Variants in MAPK12 observed in about 807,000 individuals in gnomAD.
MAPK12 encodes the protein MAP kinase 12.
In MAPK12, 49 loss-of-function variants were observed where a neutral mutation model predicts 49.1. That is an observed-to-expected ratio of 1.00 (90% CI 0.79 to 1.27). The LOEUF is 1.27. Among genes scored for constraint, MAPK12 ranks in the 50% most tolerant of loss-of-function variants. The pLI, the probability that MAPK12 is intolerant of heterozygous loss-of-function variation, is 0.00. For missense variants in MAPK12, 554 were observed against 502.4 expected, an observed-to-expected ratio of 1.10 and a Z score of -0.98; for synonymous variants, 251 against 209.7, an observed-to-expected ratio of 1.20 and a Z score of -1.70.
rs2066770 is a variant in MAPK12 at position 50,255,460 on chromosome 22, G to T, written c.843C>A (p.Ser281Arg). The T allele has an allele frequency of 1.9e-6, 3 of 1,613,122 alleles. No homozygotes were observed. The highest frequency in any genetic ancestry group is 8.5e-7 in the Non-Finnish European group (1 of 1,180,014). The change falls in exon 10 of 12, where the codon AGC (serine) becomes AGA (arginine). Residue 281 changes from serine to arginine, a missense_variant. Transcript: ENST00000215659. ...KDFASILTNA[S>R]PLAVNLLEKM... Reference sequence around the variant, plus strand: ...CACACTAGCCAGCCGTACCCAGAGGGCTTGCATTGGTCAGGATAGAGGCAA... The same window carrying T: ...CACACTAGCCAGCCGTACCCAGAGGTCTTGCATTGGTCAGGATAGAGGCAA...
intron 2 of MAPK12, 139 bp downstream of exon 2, chr22:50,261,028 C>T (rs2065206580): frequency 6.0e-6 from 6 of 1,005,414 alleles, no homozygotes; most frequent in East Asian, 3.4e-5. Context: ...TCTCCTTCTC[C>T]CCTGGGGACC....
chr22:50,256,056 G>A (rs1056952915), intron 7 of MAPK12, 29 bp downstream of exon 7: 7 of 1,591,826 alleles, frequency 4.4e-6, no homozygotes, highest in African/African-American at 1.3e-5. Context: ...TGCAGCCTGA[G>A]AGGCCCAGAT....
rs956151652 is a variant in MAPK12, at chr22:50,261,647, G to C, written c.-138C>G. ...GCCCGCCCGCCCGCCGGCCGCTGGG[G>C]CGCTCCCGCTCCCGGCCCTTCCCTC... is the stretch of plus-strand genomic sequence containing the variant. On this transcript the variant is annotated 5_prime_UTR_variant, in exon 1 of 12. Transcript: ENST00000215659. The C allele has an allele frequency of 2.4e-5, 22 of 932,994 alleles. No homozygotes were observed. In the African/African-American group the frequency reaches 3.4e-4, roughly 14 times the overall value. 57.8% of individuals were successfully genotyped at this position (932,994 alleles called of 1,614,324 possible). A position where few individuals can be genotyped will look rare whatever the true frequency, so the allele number is the denominator to read the frequency against.
Position 50,253,082 on chromosome 22 carries a change from C to G in MAPK12, c.*319G>C. On this transcript the variant is annotated 3_prime_UTR_variant, in exon 12 of 12. Coordinates refer to ENST00000215659, the MANE Select transcript of MAPK12 (RefSeq NM_002969.6). The stretch of plus-strand genomic sequence containing the variant: ...TGCATGGCCCAGAGCAGGCAGGGCT[C>G]AGAGGCCAAGGCCTGATCTGGAGCC... The G allele has an allele frequency of 2.4e-6, 1 of 421,752 alleles. No individual in the cohort carries two copies. The allele number at this position is 421,752 out of a possible 1,614,324, so 26.1% of individuals were successfully genotyped here.
Position 50,255,099 on chromosome 22 carries a change from G to T in MAPK12, c.1024+98C>A, listed in dbSNP as rs559855649. 15 of 1,486,988 alleles carry T rather than the reference G, an allele frequency of 1.0e-5. No homozygotes were observed. In the South Asian group the frequency reaches 1.2e-4, roughly 12 times the overall value. The allele number at this position is 1,486,988 out of a possible 1,614,324, so 92.1% of individuals were successfully genotyped here. On this transcript the variant is annotated intron_variant, in intron 11 of 11. Coordinates refer to ENST00000215659, the MANE Select transcript of MAPK12 (RefSeq NM_002969.6). ...AGCCCCCAACTCACGGGTCCACACA[G>T]GCCCTACCCGGAGCCCCCAACTCAC...
chr22:50,255,809 C>A lies in MAPK12; in HGVS notation c.691+1G>T. 3.1e-6 allele frequency: 5 copies of A among 1,612,522 alleles called. No individual in the cohort carries two copies. The highest frequency in any genetic ancestry group is 4.2e-6 in the Non-Finnish European group (5 of 1,179,976). The stretch of plus-strand genomic sequence containing the variant: ...GGTGCCGCCCTGCGGCTGGAGGATA[C>A]GGTCGCTGCCCTTGAACAGCGTCTT... On this transcript the variant is annotated splice_donor_variant, in intron 8 of 11. Transcript: ENST00000215659. LOFTEE classifies it high-confidence loss of function.
chr22:50,258,865 G>T (rs1200610791), intron 2 of MAPK12, among the ~76,000 whole-genome samples: 1 of 152,248 alleles, frequency 6.6e-6, no homozygotes, highest in African/African-American at 2.4e-5. Context: ...AAGGGTGGAG[G>T]GGCAGGTAGA....
chr22:50,254,910 A>T (rs913902765), intron 11 of MAPK12: 2 of 1,308,244 alleles, frequency 1.5e-6, no homozygotes, highest in Admixed American at 3.2e-5. Flanking sequence ...CCTTCCCTTC[A>T]ACTTCCAGCT....
chr22:50,258,866 G>A (rs560178098), intron 2 of MAPK12, among the ~76,000 whole-genome samples: 14 of 152,376 alleles, frequency 9.2e-5, no homozygotes, highest in South Asian at 4.1e-4. Context: ...AGGGTGGAGG[G>A]GCAGGTAGAC....
chr22:50,258,172 G>A (rs1421875111), intron 3 of MAPK12, 71 bp downstream of exon 3: 1 of 1,461,602 alleles, frequency 6.8e-7, no homozygotes, highest in Non-Finnish European at 9.6e-7. Flanking sequence ...TGCCAACCTA[G>A]AACCTGAAGC....
At chr22:50,258,685 G>A (rs898715773) in intron 2 of MAPK12, among the ~76,000 whole-genome samples, 1 of 152,264 alleles carries the variant, frequency 6.6e-6, no homozygotes, top group Non-Finnish European at 1.5e-5. Flanking sequence ...GCTATGGAAA[G>A]AGGCCAGGCC....
rs752323718 is a variant in MAPK12, at chr22:50,261,178, G to A, written c.244C>T (p.Arg82Cys). 3.1e-6 allele frequency: 5 copies of A among 1,590,510 alleles called. No individual in the cohort carries two copies. In the East Asian group the frequency reaches 1.2e-4, roughly 37 times the overall value. Residue 82 changes from arginine to cysteine, a missense_variant, in exon 2 of 12, where the codon CGC (arginine) becomes TGC (cysteine). Arg to Cys is a radical substitution (Grantham distance 180, BLOSUM62 -3). Transcript: ENST00000215659. ...YRELRLLKHM[R>C]HENVIGLLDV... ...GCCGCGCGACTCACGTTCTCGTGGC[G>A]CATGTGCTTGAGCAGGCGCAGCTCG...
intron 2 of MAPK12, among the ~76,000 whole-genome samples, chr22:50,260,596 C>A (rs1013018582): frequency 6.6e-6 from 1 of 152,186 alleles, no homozygotes; most frequent in Non-Finnish European, 1.5e-5. Context: ...GCGGCCACCA[C>A]GCCCAGTGCT....
chr22:50,255,130 C>T (rs765136229), intron 11 of MAPK12, 67 bp downstream of exon 11: 1 of 1,594,918 alleles, frequency 6.3e-7, no homozygotes, highest in Non-Finnish European at 8.5e-7. Context: ...CTCACAGGTC[C>T]ACACAGGCCC....
chr22:50,254,658 C>A, intron 11 of MAPK12: 4 of 1,012,192 alleles, frequency 4.0e-6, no homozygotes, highest in Non-Finnish European at 4.7e-6. Flanking sequence ...TCTCAAAAAA[C>A]AAAAATGGGG....
At chr22:50,260,124 G>A (rs1046494388) in intron 2 of MAPK12, among the ~76,000 whole-genome samples, 1 of 151,976 alleles carries the variant, frequency 6.6e-6, no homozygotes, top group Non-Finnish European at 1.5e-5. Flanking sequence ...GATTTCACAG[G>A]GCCCAGGGTA....
In MAPK12 at chr22:50,257,075, C is replaced by T; in HGVS notation, c.426+7G>A. The T allele has an allele frequency of 6.2e-7, 1 of 1,611,608 alleles. No individual in the cohort carries two copies. On this transcript the variant is annotated splice_region_variant and intron_variant, in intron 4 of 11. Transcript: ENST00000215659. ...TGCCTCCCTGCAGCCTCCCCCGGGG[C>T]CCGTACCCTCAGCCCCTTCAGCATC...
chr22:50,256,966 T>C lies in MAPK12; in HGVS notation c.427-2A>G, dbSNP rs1361600676. 7 of 1,606,466 alleles carry C rather than the reference T, an allele frequency of 4.4e-6. No homozygotes were observed. Among genetic ancestry groups the C allele is most frequent in the South Asian group, 1.1e-5 (1 of 90,792 alleles). ...GATGATGCCGGCAGCGTGGATATAC[T>C]GCGGGGGGCAGAGGATTTGGCAGGC... is the stretch of plus-strand genomic sequence containing the variant. On this transcript the variant is annotated splice_acceptor_variant, in intron 4 of 11. Transcript: ENST00000215659. LOFTEE classifies it high-confidence loss of function.
In MAPK12 at chr22:50,261,658, C is replaced by T; in HGVS notation, c.-149G>A. ...CGCCGGCCGCTGGGGCGCTCCCGCT[C>T]CCGGCCCTTCCCTCAGGGATGTCCC... is the stretch of plus-strand genomic sequence containing the variant. On this transcript the variant is annotated 5_prime_UTR_variant, in exon 1 of 12. Coordinates refer to ENST00000215659, the MANE Select transcript of MAPK12 (RefSeq NM_002969.6). 1.2e-6 allele frequency: 1 copy of T among 859,862 alleles called. No individual in the cohort carries two copies. Among genetic ancestry groups the T allele is most frequent in the Non-Finnish European group, 1.4e-6 (1 of 713,986 alleles). 53.3% of individuals were successfully genotyped at this position (859,862 alleles called of 1,614,324 possible).
Sources: allele counts gnomAD v4.1 joint callset (sites outside exome capture counted in the v4.1 genomes callset), GRCh38; gene constraint gnomAD v4.1.1; transcripts MANE v1.5; gene names NCBI Gene and HGNC (gene_info 2026-07-23, HGNC 2026-07-21).